TMEM223: variants seen among roughly 807,000 people sequenced by gnomAD.
The protein encoded by TMEM223 is transmembrane protein 223.
TMEM223 carries 14 observed loss-of-function variants against 14.1 expected under a neutral mutation model. The observed-to-expected ratio is 0.99, with a 90% CI of 0.66 to 1.55. The LOEUF is 1.55. TMEM223 is among the 40% of genes most tolerant of loss of function. The pLI, the probability that TMEM223 is intolerant of heterozygous loss-of-function variation, is 0.00. For synonymous variants in TMEM223, 145 were observed against 120.5 expected, an observed-to-expected ratio of 1.20 and a Z score of -1.33; for missense variants, 346 against 269.9, an observed-to-expected ratio of 1.28 and a Z score of -1.97.
At chr11:62,782,048 T>C (rs980701386) in intron 1 of TMEM223, 105 of 1,592,320 alleles carry the variant, frequency 6.6e-5, no homozygotes, top group Non-Finnish European at 8.3e-5. Context: ...TGGCAAGTGC[T>C]GTCAGAATGG....
chr11:62,781,749 T>C, intron 1 of TMEM223: 3 of 738,088 alleles, frequency 4.1e-6, no homozygotes, highest in South Asian at 1.6e-5. Context: ...GTTACATTTA[T>C]AGAAATAGAA....
chr11:62,787,616 G>C, downstream of TMEM223: 1 of 1,407,608 alleles, frequency 7.1e-7, no homozygotes, highest in Non-Finnish European at 9.3e-7. Flanking sequence ...CGGGCTTGCT[G>C]CTGCTCGGAG....
At chr11:62,778,435 T>A in intron 1 of TMEM223, 1 of 1,403,168 alleles carries the variant, frequency 7.1e-7, no homozygotes, top group Non-Finnish European at 1.0e-6. Flanking sequence ...TAACATGTGT[T>A]TACCCATGCC....
chr11:62,778,505 A>G (rs1565187788), intron 1 of TMEM223: 1 of 751,258 alleles, frequency 1.3e-6, no homozygotes, highest in Non-Finnish European at 2.2e-6. Flanking sequence ...AGAGTTGGAG[A>G]TGGGGGCCCA....
chr11:62,776,427 C>T (rs139413937), intron 1 of TMEM223: 136 of 1,613,636 alleles, frequency 8.4e-5, no homozygotes, highest in Admixed American at 1.0e-4. Flanking sequence ...CGGAAGCTGA[C>T]GGTTGAGGAC....
chr11:62,785,251 G>C (rs1159836376), downstream of TMEM223, among the ~76,000 whole-genome samples: 1 of 151,790 alleles, frequency 6.6e-6, no homozygotes, highest in Non-Finnish European at 1.5e-5. Context: ...GAGTGCAATG[G>C]CGCGACCTCG....
chr11:62,782,868 T>C, downstream of TMEM223: 1 of 1,603,834 alleles, frequency 6.2e-7, no homozygotes, highest in Admixed American at 1.7e-5. Flanking sequence ...AGAACTCCCA[T>C]TTGTGTTAGA....
Position 62,791,802 on chromosome 11 carries a change from C to T in TMEM223, c.193G>A (p.Ala65Thr). 6.3e-7 allele frequency: 1 copy of T among 1,578,094 alleles called. No individual in the cohort carries two copies. The highest frequency in any genetic ancestry group is 1.2e-5 in the South Asian group (1 of 86,236). The stretch of plus-strand genomic sequence containing the variant: ...GGAACCGGGGGCCGGGACACGGCTG[C>T]CACAGCCATGGAAGCCCAGAAGACG... ...QGVFWASMAV[A>T]AVSRPPVPVQ... Residue 65 changes from alanine to threonine, a missense_variant, in exon 1 of 2, where the codon GCA (alanine) becomes ACA (threonine). By Grantham distance (58) the Ala-to-Thr change is moderately conservative. Transcript: ENST00000307366.
At chr11:62,774,328 G>A (rs542146084) in intron 2 of TMEM223, among the ~76,000 whole-genome samples, 6 of 152,184 alleles carry the variant, frequency 3.9e-5, no homozygotes, top group African/African-American at 7.2e-5. Flanking sequence ...CGCCTGCCTC[G>A]GCCTCCCAAA....
intron 2 of TMEM223, among the ~76,000 whole-genome samples, chr11:62,773,566 G>T (rs2084165177): frequency 6.6e-6 from 1 of 151,928 alleles, no homozygotes; most frequent in Non-Finnish European, 1.5e-5. Flanking sequence ...TCCTGCCTCA[G>T]CCTTGCGAGT....
downstream of TMEM223, chr11:62,787,493 G>A: frequency 1.3e-6 from 2 of 1,579,388 alleles, no homozygotes; most frequent in East Asian, 2.3e-5. Flanking sequence ...TTCCTGTGCG[G>A]GGCCGTGGCG....
At chr11:62,788,358 GTGCCAT>G (rs1325728397), downstream of TMEM223, among the ~76,000 whole-genome samples, 1 of 151,802 alleles carries the variant, frequency 6.6e-6, no homozygotes, top group African/African-American at 2.4e-5. Flanking sequence ...AGTCGAGATC[GTGCCAT>G]TGCACTCCAG....
chr11:62,778,602 A>G (rs1437147642), intron 1 of TMEM223: 3 of 615,346 alleles, frequency 4.9e-6, no homozygotes, highest in Non-Finnish European at 8.6e-6. Context: ...CCCCCAGGGT[A>G]TGCTGAGCAG....
intron 2 of TMEM223, among the ~76,000 whole-genome samples, chr11:62,772,824 T>G (rs1373631999): frequency 2.0e-5 from 3 of 150,900 alleles, no homozygotes; most frequent in Non-Finnish European, 3.0e-5. Flanking sequence ...AAAAAAAGAA[T>G]AGTTCTTCTT....
downstream of TMEM223, among the ~76,000 whole-genome samples, chr11:62,784,994 G>A (rs2084259627): frequency 6.6e-6 from 1 of 152,028 alleles, no homozygotes; most frequent in Non-Finnish European, 1.5e-5. Flanking sequence ...ATAAGATTTA[G>A]ATCATCTTTT....
chr11:62,782,393 A>G, intron 1 of TMEM223: 5 of 1,555,520 alleles, frequency 3.2e-6, no homozygotes, highest in Non-Finnish European at 4.4e-6. Flanking sequence ...GGTTGGGGTA[A>G]GGAAATGGGG....
intron 1 of TMEM223, among the ~76,000 whole-genome samples, chr11:62,779,868 G>C (rs2084214081): frequency 7.0e-6 from 1 of 142,704 alleles, no homozygotes; most frequent in Non-Finnish European, 1.5e-5. Flanking sequence ...GTTTCACCGT[G>C]TTGGCCAGGC....
At chr11:62,786,212 G>A (rs755603435), downstream of TMEM223, 4 of 1,580,436 alleles carry the variant, frequency 2.5e-6, no homozygotes, top group South Asian at 3.4e-5. Flanking sequence ...CCTTGAGAGG[G>A]AATAAGTATC....
intron 1 of TMEM223, chr11:62,781,950 T>G (rs2084233132): frequency 3.1e-6 from 5 of 1,614,046 alleles, no homozygotes; most frequent in Non-Finnish European, 4.2e-6. Context: ...TGCCTTACTT[T>G]GTTTATGTGG....
Sources: gnomAD v4.1 joint callset for allele counts (sites outside exome capture counted in the v4.1 genomes callset) on GRCh38, gnomAD v4.1.1 for gene constraint, MANE v1.5 for transcripts, NCBI Gene and HGNC (gene_info 2026-07-23, HGNC 2026-07-21) for gene names.